Variants in ELAPOR1 observed in about 807,000 individuals in gnomAD.
The protein encoded by ELAPOR1 is endosome/lysosome-associated apoptosis and autophagy regulator 1.
Under a neutral mutation model 119.7 loss-of-function variants are expected in ELAPOR1, and 77 were observed. The ratio of observed to expected loss-of-function variants is 0.64; its 90% CI spans 0.54 to 0.78. The LOEUF is 0.78. Ranked by LOEUF, ELAPOR1 falls within the 30% of genes least tolerant of loss-of-function variation. ELAPOR1 has a pLI of 0.00. For missense variants in ELAPOR1, 1,115 were observed against 1,270.4 expected (o/e 0.88, Z 1.86); for synonymous variants, 481 against 487.2 (o/e 0.99, Z 0.17).
At chr1:109,200,674 C>T in intron 20 of ELAPOR1, 61 bp from the exon 21 acceptor site, 3 of 1,530,558 alleles carry the variant, frequency 2.0e-6, no homozygotes, top group South Asian at 2.4e-5. Flanking sequence ...AACCTCTCTA[C>T]CTCTTTCCCC....
intron 1 of ELAPOR1, among the ~76,000 whole-genome samples, chr1:109,157,869 C>G (rs1650978926): frequency 6.6e-6 from 1 of 152,142 alleles, no homozygotes; most frequent in Non-Finnish European, 1.5e-5. Flanking sequence ...TAGATTACCT[C>G]CAATCTCTAG....
chr1:109,144,061 A>ATATATATATATTTTTTTTTTTTTTT, intron 1 of ELAPOR1, among the ~76,000 whole-genome samples: 1 of 89,018 alleles, frequency 1.1e-5, no homozygotes, highest in African/African-American at 4.8e-5. Flanking sequence ...ATATTTATAT[A>ATATATATATATTTTTTTTTTTTTTT]TTTTTTTTTT....
chr1:109,187,528 T>A (rs1426003055), intron 8 of ELAPOR1: 1 of 1,001,110 alleles, frequency 1.0e-6, no homozygotes, highest in Non-Finnish European at 1.2e-6. Flanking sequence ...GGGCACGTTT[T>A]TGTCTGTGAC....
intron 21 of ELAPOR1, 133 bp downstream of exon 21, chr1:109,201,033 C>A: frequency 3.5e-6 from 3 of 858,294 alleles, no homozygotes; most frequent in Non-Finnish European, 5.3e-6. Flanking sequence ...TTCCATTTCC[C>A]CACTCTGAAA....
rs558935671 is a variant in ELAPOR1 at position 109,116,396 on chromosome 1, C to T, written c.153+2060C>T. Reference sequence around the variant, plus strand: ...GGAAACACAAAAGAGAGTTACCCACCCTCCTTCTCTGTTCAGCTTCTTTCC... The same window carrying T: ...GGAAACACAAAAGAGAGTTACCCACTCTCCTTCTCTGTTCAGCTTCTTTCC... On this transcript the variant is annotated intron_variant, in intron 1 of 21. Coordinates refer to ENST00000369939, the MANE Select transcript of ELAPOR1 (RefSeq NM_020775.5). Among the ~76,000 whole-genome samples, 6 of 152,224 alleles carry T rather than the reference C, an allele frequency of 3.9e-5. No homozygotes were observed. The South Asian group carries it at 1.2e-3, about 32-fold the overall frequency.
intron 7 of ELAPOR1, among the ~76,000 whole-genome samples, chr1:109,181,321 T>C (rs553550718): frequency 6.6e-6 from 1 of 152,324 alleles, no homozygotes; most frequent in Admixed American, 6.5e-5. Context: ...ATAAACTTTA[T>C]CTTCTTACAG....
chr1:109,180,148 C>T (rs1488509415), intron 7 of ELAPOR1, among the ~76,000 whole-genome samples: 1 of 152,082 alleles, frequency 6.6e-6, no homozygotes, highest in Non-Finnish European at 1.5e-5. Context: ...TCTCACTGGT[C>T]CCTAAAATTT....
chr1:109,201,093 G>A (rs767667276), intron 21 of ELAPOR1, among the ~76,000 whole-genome samples, 193 bp downstream of exon 21: 1 of 152,152 alleles, frequency 6.6e-6, no homozygotes, highest in Non-Finnish European at 1.5e-5. Context: ...TTCCCCCGGG[G>A]CCCAAGGCTG....
At chr1:109,191,331 C>A in intron 11 of ELAPOR1, 35 bp from the exon 12 acceptor site, 1 of 1,474,942 alleles carries the variant, frequency 6.8e-7, no homozygotes, top group Non-Finnish European at 9.5e-7. Flanking sequence ...CACTGCCTGG[C>A]CTTTAGAACT....
At position 109,176,206 on chromosome 1, in the gene ELAPOR1, G is replaced by T. The variant is rs558790311; in HGVS notation, c.952+2369G>T. On this transcript the variant is annotated intron_variant, in intron 7 of 21. Transcript: ENST00000369939. ...CGTGGTTATTTGAGGGAGTTCCAGG[G>T]GGTATCGAGGCTCTGATGTGGGATG... Among the ~76,000 whole-genome samples, 5 of 152,240 alleles carry T rather than the reference G, an allele frequency of 3.3e-5. No homozygotes were observed. The South Asian group carries it at 1.0e-3, about 32-fold the overall frequency.
intron 9 of ELAPOR1, 115 bp downstream of exon 9, chr1:109,188,469 G>C (rs1653211927): frequency 8.1e-7 from 1 of 1,240,100 alleles, no homozygotes; most frequent in Non-Finnish European, 1.1e-6. Flanking sequence ...AGGCAGTAAG[G>C]AATAAGGACC....
chr1:109,190,222 G>A (rs916568982), intron 11 of ELAPOR1, among the ~76,000 whole-genome samples: 6 of 152,172 alleles, frequency 3.9e-5, no homozygotes, highest in Admixed American at 3.3e-4. Context: ...GTGCTTTGCC[G>A]CTTACTGGCC....
intron 7 of ELAPOR1, among the ~76,000 whole-genome samples, chr1:109,177,034 T>G (rs1357943672): frequency 3.6e-5 from 5 of 140,300 alleles, no homozygotes; most frequent in Non-Finnish European, 7.6e-5. Flanking sequence ...AACCATCCGA[T>G]TTCTCAATCT....
intron 1 of ELAPOR1, among the ~76,000 whole-genome samples, chr1:109,124,172 A>G (rs924949718): frequency 2.6e-5 from 4 of 152,128 alleles, no homozygotes; most frequent in Non-Finnish European, 5.9e-5. Flanking sequence ...TTTTCATGCA[A>G]TAATATTGCA....
chr1:109,169,387 G>A (rs775744946), intron 3 of ELAPOR1, among the ~76,000 whole-genome samples: 19 of 151,986 alleles, frequency 1.3e-4, no homozygotes, highest in Admixed American at 5.2e-4. Flanking sequence ...TTACAGCCAC[G>A]TGCCACAACA....
chr1:109,194,284 A>C, intron 14 of ELAPOR1, 137 bp from the exon 15 acceptor site: 1 of 667,516 alleles, frequency 1.5e-6, no homozygotes, highest in South Asian at 1.9e-5. Context: ...TTCTTTTACT[A>C]GCCACTCCTA....
chr1:109,177,134 C>T (rs568245972), intron 7 of ELAPOR1, among the ~76,000 whole-genome samples: 5 of 140,468 alleles, frequency 3.6e-5, no homozygotes, highest in East Asian at 2.1e-4. Context: ...ACCTCCCAGA[C>T]AGGGTGGTGG....
chr1:109,168,033 C>G (rs544742827), intron 3 of ELAPOR1, among the ~76,000 whole-genome samples: 2 of 152,238 alleles, frequency 1.3e-5, no homozygotes, highest in East Asian at 3.9e-4. Context: ...GCCCTGCCCC[C>G]TGCCCTCTGC....
At chr1:109,201,719 G>A (rs1273431103) in intron 21 of ELAPOR1, among the ~76,000 whole-genome samples, 4 of 152,130 alleles carry the variant, frequency 2.6e-5, no homozygotes, top group Non-Finnish European at 5.9e-5. Context: ...CTTAGACTGC[G>A]ATTTCTTTTT....
Sources: allele counts gnomAD v4.1 joint callset (sites outside exome capture counted in the v4.1 genomes callset), GRCh38; gene constraint gnomAD v4.1.1; transcripts MANE v1.5; gene names NCBI Gene and HGNC (gene_info 2026-07-23, HGNC 2026-07-21).